The following ASAP2 variants were observed in gnomAD, a reference collection of about 807,000 sequenced individuals.
ASAP2 encodes arf-GAP with SH3 domain, ANK repeat and PH domain-containing protein 2.
ASAP2 carries 45 observed loss-of-function variants against 131.4 expected under a neutral mutation model. The observed-to-expected ratio is 0.34, with a 90% CI of 0.27 to 0.44. ASAP2 has a LOEUF of 0.44. ASAP2 is among the 20% of genes least tolerant of loss of function. The pLI is 1.00. For missense variants in ASAP2, 1,011 were observed against 1,297.0 expected (o/e 0.78, Z 3.39); for synonymous variants, 510 against 503.0 (o/e 1.01, Z -0.19).
At position 9,399,878 on chromosome 2, in the gene ASAP2, T is replaced by C. The variant is rs1572643373; in HGVS notation, c.2685-145T>C. ...GGGCCTCTCATTCTTCCTTTTCCCA[T>C]AAAAAAGAGACAGCTAAGTGACAGT... On this transcript the variant is annotated intron_variant, in intron 24 of 27. Coordinates refer to ENST00000281419, the MANE Select transcript of ASAP2 (RefSeq NM_003887.3). 1.7e-5 allele frequency: 13 copies of C among 766,776 alleles called. No homozygotes were observed. The East Asian group carries it at 3.4e-4, about 20-fold the overall frequency. 47.5% of individuals were successfully genotyped at this position (766,776 alleles called of 1,614,324 possible).
At position 9,384,956 on chromosome 2, in the gene ASAP2, A is replaced by G. The variant is rs187535587; in HGVS notation, c.2017-289A>G. Among the ~76,000 whole-genome samples the G allele has an allele frequency of 1.9e-3, 296 of 152,110 alleles. 1 individual carries two copies. Among genetic ancestry groups the G allele is most frequent in the African/African-American group, 6.6e-3 (275 of 41,516 alleles). On this transcript the variant is annotated intron_variant, in intron 20 of 27. Coordinates refer to ENST00000281419, the MANE Select transcript of ASAP2 (RefSeq NM_003887.3). ...AGATTCTGTCTCCTGAGGCCTTAAC[A>G]CTCCATGTTATAACCGAAGACTGTA...
chr2:9,276,700 C>T (rs529259446), intron 1 of ASAP2, among the ~76,000 whole-genome samples: 4 of 152,098 alleles, frequency 2.6e-5, no homozygotes, highest in East Asian at 3.9e-4. Flanking sequence ...CCAACACGCC[C>T]GGCTAATTTT....
intron 25 of ASAP2, 99 bp downstream of exon 25, chr2:9,400,171 A>G: frequency 8.9e-7 from 1 of 1,123,026 alleles, no homozygotes; most frequent in African/African-American, 2.6e-5. Flanking sequence ...GGGAGGGCCC[A>G]GCTGTCTGCC....
At chr2:9,332,220 T>C (rs1423319734) in intron 7 of ASAP2, among the ~76,000 whole-genome samples, 3 of 152,140 alleles carry the variant, frequency 2.0e-5, no homozygotes, top group East Asian at 1.9e-4. Context: ...AAAGTGTTAA[T>C]GGGCTCAACT....
rs1676939841 is a variant in ASAP2, at chr2:9,403,628, A to T, written c.*301A>T. 3.3e-6 allele frequency: 1 copy of T among 305,390 alleles called. No individual in the cohort carries two copies. Among genetic ancestry groups the T allele is most frequent in the Admixed American group, 4.8e-5 (1 of 20,948 alleles). The allele number at this position is 305,390 out of a possible 1,614,324, so 18.9% of individuals were successfully genotyped here. ...GATCCTGCCTCTACGGAATTAGCTAAACCTAAAAATGTTTGCATTAATGAA... is the reference window on the plus strand; with the variant it reads ...GATCCTGCCTCTACGGAATTAGCTATACCTAAAAATGTTTGCATTAATGAA... On this transcript the variant is annotated 3_prime_UTR_variant, in exon 28 of 28. Transcript: ENST00000281419.
intron 20 of ASAP2, among the ~76,000 whole-genome samples, chr2:9,382,908 A>G (rs981100724): frequency 7.2e-5 from 11 of 152,034 alleles, no homozygotes; most frequent in Admixed American, 7.2e-4. Flanking sequence ...GAAAGAGTTT[A>G]ATTATGGCAA....
chr2:9,361,426 A>G (rs1404584997), intron 15 of ASAP2, among the ~76,000 whole-genome samples: 1 of 151,960 alleles, frequency 6.6e-6, no homozygotes, highest in Non-Finnish European at 1.5e-5. Flanking sequence ...GTGGCTCTAA[A>G]CCTTATTCCT....
chr2:9,274,648 C>A (rs1666632486), intron 1 of ASAP2, among the ~76,000 whole-genome samples: 1 of 152,116 alleles, frequency 6.6e-6, no homozygotes, highest in Non-Finnish European at 1.5e-5. Flanking sequence ...AACAATCATT[C>A]TAGCTTCTCG....
chr2:9,271,473 A>G (rs1163319385), intron 1 of ASAP2: 7 of 1,398,850 alleles, frequency 5.0e-6, no homozygotes, highest in Non-Finnish European at 6.1e-6. Context: ...TGGTGTAATC[A>G]TCAGCGATCC....
At chr2:9,387,218 A>AAAAAAAAAAAAC (rs1055881220) in intron 21 of ASAP2, among the ~76,000 whole-genome samples, 3 of 151,054 alleles carry the variant, frequency 2.0e-5, no homozygotes, top group African/African-American at 7.4e-5. Context: ...TGTCTCAAAA[A>AAAAAAAAAAAAC]AAAAAAAAAC....
At chr2:9,271,366 C>G in intron 1 of ASAP2, 11 of 1,299,954 alleles carry the variant, frequency 8.5e-6, no homozygotes, top group Non-Finnish European at 1.2e-5. Context: ...GTTCTTGCAC[C>G]TGTCACCCTG....
Position 9,279,396 on chromosome 2 carries a change from A to G in ASAP2, c.199+7A>G, listed in dbSNP as rs971105767. Reference sequence around the variant, plus strand: ...ATCAACAGCTCTGGGCTGGGTGAGTATACATCCTTCCCTAGAGGTTTCTGT... The same window carrying G: ...ATCAACAGCTCTGGGCTGGGTGAGTGTACATCCTTCCCTAGAGGTTTCTGT... On this transcript the variant is annotated splice_region_variant and intron_variant, in intron 2 of 27. Transcript: ENST00000281419. 1.1e-5 allele frequency: 17 copies of G among 1,612,696 alleles called. No individual in the cohort carries two copies. The African/African-American group carries it at 1.2e-4, about 11-fold the overall frequency.
At chr2:9,326,991 G>T (rs1670521672) in intron 6 of ASAP2, among the ~76,000 whole-genome samples, 1 of 152,176 alleles carries the variant, frequency 6.6e-6, no homozygotes, top group Admixed American at 6.5e-5. Flanking sequence ...ATATCAAAAA[G>T]AAAGAGGGAA....
At chr2:9,315,977 C>T (rs543450018) in intron 3 of ASAP2, among the ~76,000 whole-genome samples, 4 of 152,188 alleles carry the variant, frequency 2.6e-5, no homozygotes, top group African/African-American at 4.8e-5. Context: ...TGGATGCAGA[C>T]GTTATTATAC....
intron 27 of ASAP2, 93 bp downstream of exon 27, chr2:9,401,489 C>T (rs971866644): frequency 2.7e-6 from 4 of 1,489,896 alleles, no homozygotes; most frequent in African/African-American, 2.8e-5. Context: ...GAGGTTTTCT[C>T]AGCCTGAGCA....
At chr2:9,343,109 T>C (rs906871311) in intron 9 of ASAP2, among the ~76,000 whole-genome samples, 8 of 152,166 alleles carry the variant, frequency 5.3e-5, no homozygotes, top group African/African-American at 1.9e-4. Context: ...ACTCTGAGGA[T>C]GTTCTGTGGG....
At chr2:9,305,514 T>A in intron 3 of ASAP2, among the ~76,000 whole-genome samples, 1 of 141,090 alleles carries the variant, frequency 7.1e-6, no homozygotes, top group Non-Finnish European at 1.6e-5. Flanking sequence ...TAGTGGGGTA[T>A]AGATATTGGT....
intron 12 of ASAP2, among the ~76,000 whole-genome samples, chr2:9,353,864 A>G (rs998624156): frequency 6.6e-6 from 1 of 152,110 alleles, no homozygotes; most frequent in African/African-American, 2.4e-5. Context: ...AGTCCAAGCT[A>G]CTTGGGAGGC....
intron 17 of ASAP2, among the ~76,000 whole-genome samples, chr2:9,376,456 G>A (rs1049018066): frequency 2.0e-5 from 3 of 152,358 alleles, no homozygotes; most frequent in Middle Eastern, 3.4e-3. Context: ...ATTAGCATTC[G>A]TAGCCTTGTC....
Sources: allele counts gnomAD v4.1 joint callset (sites outside exome capture counted in the v4.1 genomes callset), GRCh38; gene constraint gnomAD v4.1.1; transcripts MANE v1.5; gene names NCBI Gene and HGNC (gene_info 2026-07-23, HGNC 2026-07-21).